Variants in TMEM163 observed in about 807,000 individuals in gnomAD.
TMEM163 encodes transmembrane protein 163.
A neutral mutation model predicts 29.3 loss-of-function variants in TMEM163; 17 were observed. The observed-to-expected ratio is 0.58, with a 90% confidence interval of 0.40 to 0.87. TMEM163 has a LOEUF of 0.87. Ranked by LOEUF, TMEM163 falls within the 40% of genes least tolerant of loss-of-function variation. The pLI, the probability that TMEM163 is intolerant of heterozygous loss-of-function variation, is 0.00. For synonymous variants in TMEM163, 157 were observed against 160.6 expected, an observed-to-expected ratio of 0.98 and a Z score of 0.17; for missense variants, 303 against 381.5, an observed-to-expected ratio of 0.79 and a Z score of 1.71.
chr2:134,661,929 C>T (rs10169794), intron 2 of TMEM163, among the ~76,000 whole-genome samples: 106,732 of 127,038 alleles, frequency 0.84, 46,281 homozygotes, highest in African/African-American at 0.95. Context: ...AATTTTCTTT[C>T]TTTTTTTTTT....
intron 4 of TMEM163, among the ~76,000 whole-genome samples, chr2:134,515,144 A>G (rs999638031): frequency 6.6e-6 from 1 of 152,234 alleles, no homozygotes; most frequent in African/African-American, 2.4e-5. Flanking sequence ...TGTCCGAATG[A>G]TAACAGATGA....
intron 1 of TMEM163, among the ~76,000 whole-genome samples, chr2:134,715,577 T>C (rs1685020378): frequency 7.0e-6 from 1 of 143,854 alleles, no homozygotes; most frequent in African/African-American, 2.6e-5. Flanking sequence ...ATATAGCCGA[T>C]CCTAAGAATG....
At chr2:134,542,634 C>T (rs1385973079) in intron 4 of TMEM163, among the ~76,000 whole-genome samples, 1 of 152,096 alleles carries the variant, frequency 6.6e-6, no homozygotes, top group Admixed American at 6.6e-5. Flanking sequence ...TTGAATCATC[C>T]CCAAACCATC....
chr2:134,521,315 G>A (rs637993), intron 4 of TMEM163, among the ~76,000 whole-genome samples: 28,475 of 151,944 alleles, frequency 0.19, 2,980 homozygotes, highest in South Asian at 0.39. Context: ...TTTTTCTAAG[G>A]CTTAGGCATG....
At chr2:134,466,000 G>C (rs961784504) in intron 6 of TMEM163, 114 bp downstream of exon 6, 6 of 726,294 alleles carry the variant, frequency 8.3e-6, no homozygotes, top group Admixed American at 2.8e-5. Context: ...AGTGAGAAAT[G>C]GATTCCAAAT....
In TMEM163 at chr2:134,456,478, C is replaced by A; in HGVS notation, c.*238G>T. On this transcript the variant is annotated 3_prime_UTR_variant, in exon 8 of 8. Coordinates refer to ENST00000281924, the MANE Select transcript of TMEM163 (RefSeq NM_030923.5). ...CTCCAGAGACTAAAAAACGCCAGTC[C>A]CAGCTGGAGACGGGGAAGGAGGTCC... 1 of 550,736 alleles carries A rather than the reference C, an allele frequency of 1.8e-6. No homozygotes were observed. Among genetic ancestry groups the A allele is most frequent in the Non-Finnish European group, 3.3e-6 (1 of 305,414 alleles). 34.1% of individuals were successfully genotyped at this position (550,736 alleles called of 1,614,324 possible).
At chr2:134,485,110 C>T (rs530958678) in intron 5 of TMEM163, among the ~76,000 whole-genome samples, 32 of 152,232 alleles carry the variant, frequency 2.1e-4, no homozygotes, top group African/African-American at 6.3e-4. Context: ...GGGTTATGTC[C>T]GGATAAACCC....
At chr2:134,711,639 A>T (rs1010720793) in intron 2 of TMEM163, among the ~76,000 whole-genome samples, 3 of 152,210 alleles carry the variant, frequency 2.0e-5, no homozygotes, top group African/African-American at 7.2e-5. Flanking sequence ...AAGGAAATGA[A>T]CAACATTTTT....
chr2:134,503,121 A>G, intron 4 of TMEM163, 124 bp from the exon 5 acceptor site: 1 of 873,022 alleles, frequency 1.1e-6, no homozygotes, highest in African/African-American at 1.7e-5. Flanking sequence ...CCACACCCCC[A>G]GGGTGACCAC....
chr2:134,603,073 C>A (rs1429598099), intron 2 of TMEM163, among the ~76,000 whole-genome samples: 2 of 152,136 alleles, frequency 1.3e-5, no homozygotes, highest in African/African-American at 4.8e-5. Flanking sequence ...TCAGAAATAA[C>A]ATCATCCTTC....
At chr2:134,459,627 C>A (rs368579495) in intron 6 of TMEM163, among the ~76,000 whole-genome samples, 3 of 152,094 alleles carry the variant, frequency 2.0e-5, no homozygotes, top group Non-Finnish European at 2.9e-5. Context: ...CTCACACCCC[C>A]CTTCTGCCCG....
intron 4 of TMEM163, among the ~76,000 whole-genome samples, chr2:134,528,019 A>G (rs2106497811): frequency 6.6e-6 from 1 of 152,342 alleles, no homozygotes; most frequent in South Asian, 2.1e-4. Context: ...TGGGCAAGGA[A>G]CAGAAAATAA....
At chr2:134,700,941 A>AATAAATAAATAAATACATAAATAC (rs371684167) in intron 2 of TMEM163, among the ~76,000 whole-genome samples, 5,872 of 146,352 alleles carry the variant, frequency 0.04, 153 homozygotes, top group Middle Eastern at 0.096. Context: ...TAAATAAATA[A>AATAAATAAATAAATACATAAATAC]ATAAATAAAG....
intron 2 of TMEM163, among the ~76,000 whole-genome samples, chr2:134,669,888 G>A (rs376503465): frequency 8.5e-5 from 13 of 152,060 alleles, no homozygotes; most frequent in Non-Finnish European, 1.2e-4. Context: ...TCCAGCCCCC[G>A]GTTGTTCAAG....
chr2:134,461,110 C>G (rs538880809), intron 6 of TMEM163, among the ~76,000 whole-genome samples: 2 of 152,310 alleles, frequency 1.3e-5, no homozygotes, highest in Non-Finnish European at 2.9e-5. Context: ...CTCTGCAGTG[C>G]CAGCCCCACG....
intron 4 of TMEM163, among the ~76,000 whole-genome samples, chr2:134,511,409 A>T (rs937124695): frequency 6.6e-6 from 1 of 152,194 alleles, no homozygotes. Context: ...TCCACTAAGG[A>T]TGGCAGGGCA....
At chr2:134,670,779 C>T (rs1044444083) in intron 2 of TMEM163, among the ~76,000 whole-genome samples, 11 of 152,232 alleles carry the variant, frequency 7.2e-5, no homozygotes, top group African/African-American at 2.2e-4. Flanking sequence ...AGATCACCTG[C>T]TCCCCATTTG....
At chr2:134,552,896 G>A (rs2106508335) in intron 2 of TMEM163, among the ~76,000 whole-genome samples, 1 of 152,140 alleles carries the variant, frequency 6.6e-6, no homozygotes, top group Non-Finnish European at 1.5e-5. Context: ...CTGATCTCAG[G>A]TGACCCACCT....
chr2:134,468,968 G>A (rs1686730727), intron 5 of TMEM163: 3 of 152,246 alleles, frequency 2.0e-5, no homozygotes, highest in Admixed American at 1.3e-4. Context: ...GCCCCTGGCA[G>A]CAGCTGGCAG....
Sources: allele counts gnomAD v4.1 joint callset (sites outside exome capture counted in the v4.1 genomes callset), GRCh38; gene constraint gnomAD v4.1.1; transcripts MANE v1.5; gene names NCBI Gene and HGNC (gene_info 2026-07-23, HGNC 2026-07-21).